The following HERPUD1 variants were observed in gnomAD, a reference collection of about 807,000 sequenced individuals.
HERPUD1 encodes the protein homocysteine inducible ER protein with ubiquitin like domain 1, also known as homocysteine-responsive endoplasmic reticulum-resident ubiquitin-like domain member 1 protein.
A neutral mutation model predicts 45.0 loss-of-function variants in HERPUD1; 17 were observed. That is an observed-to-expected ratio of 0.38 (90% CI 0.26 to 0.57). The LOEUF (loss-of-function observed/expected upper bound fraction) is 0.57. Among genes scored for constraint, HERPUD1 ranks in the 20% least tolerant of loss-of-function variants. HERPUD1 has a pLI of 0.72. For missense variants in HERPUD1, 420 were observed against 490.5 expected (o/e 0.86, Z 1.36); for synonymous variants, 164 against 177.5 (o/e 0.92, Z 0.61).
Position 56,935,406 on chromosome 16 carries a change from A to G in HERPUD1, c.231A>G (p.Glu77=), listed in dbSNP as rs777844614. 1 of 1,614,212 alleles carries G rather than the reference A, an allele frequency of 6.2e-7. No homozygotes were observed. The highest frequency in any genetic ancestry group is 2.2e-5 in the East Asian group (1 of 44,888). The change falls in exon 3 of 8, where the codon GAA becomes GAG. Residue 77 remains glutamate (E), a synonymous_variant. Transcript: ENST00000439977. ...QCLRDLLPKQ[E]KRHVLHLVCN... is the part of the protein sequence containing the mutation. ...TACCTTCGTATTACTTTTAGCAGGAAAAACGGCATGTTTTGCATCTGGTGT... is the reference window on the plus strand; with the variant it reads ...TACCTTCGTATTACTTTTAGCAGGAGAAACGGCATGTTTTGCATCTGGTGT...
intron 7 of HERPUD1, 37 bp from the exon 8 acceptor site, chr16:56,943,089 T>C (rs769047343): frequency 1.9e-6 from 3 of 1,602,980 alleles, no homozygotes; most frequent in South Asian, 1.1e-5. Flanking sequence ...AATTGTTTTC[T>C]CATTGTTTCA....
intron 1 of HERPUD1, 168 bp from the exon 2 acceptor site, chr16:56,935,067 A>G (rs2055855516): frequency 5.0e-6 from 3 of 599,292 alleles, no homozygotes; most frequent in Middle Eastern, 2.6e-4. Context: ...AAGTTAAGAC[A>G]CTTTCTAAAT....
At chr16:56,938,310 T>A (rs1344750535) in intron 4 of HERPUD1, among the ~76,000 whole-genome samples, 1 of 152,048 alleles carries the variant, frequency 6.6e-6, no homozygotes, top group Non-Finnish European at 1.5e-5. Flanking sequence ...ACACCTGTAA[T>A]CCCAGCACTT....
Position 56,932,314 on chromosome 16 carries a change from T to G in HERPUD1, c.70T>G (p.Leu24Val). ...VKSPNQRHRD[L>V]ELSGDRGWSV... ...GAGCCCCAACCAGCGCCACCGCGAC[T>G]TGGAGCTGAGTGGCGACCGCGGCTG... Residue 24 changes from leucine to valine, a missense_variant, in exon 1 of 8, where the codon TTG becomes GTG. Transcript: ENST00000439977. The G allele has an allele frequency of 1.2e-6, 2 of 1,607,862 alleles. No homozygotes were observed. The highest frequency in any genetic ancestry group is 1.7e-6 in the Non-Finnish European group (2 of 1,178,932).
At chr16:56,936,887 A>G in intron 4 of HERPUD1, 70 bp downstream of exon 4, 4 of 1,557,094 alleles carry the variant, frequency 2.6e-6, no homozygotes, top group South Asian at 1.2e-5. Flanking sequence ...TTTAAGAATA[A>G]GGTATGTTTA....
intron 4 of HERPUD1, among the ~76,000 whole-genome samples, chr16:56,938,775 A>G (rs1484567313): frequency 6.6e-6 from 1 of 152,170 alleles, no homozygotes; most frequent in African/African-American, 2.4e-5. Flanking sequence ...GTGATACCAC[A>G]TGCACACTTC....
chr16:56,935,110 G>A lies in HERPUD1; in HGVS notation c.148-125G>A, dbSNP rs1321854435. The A allele has an allele frequency of 4.4e-6, 3 of 675,350 alleles. No individual in the cohort carries two copies. In the African/African-American group the frequency reaches 5.4e-5, roughly 12 times the overall value. 41.8% of individuals were successfully genotyped at this position (675,350 alleles called of 1,614,324 possible). A position where few individuals can be genotyped will look rare whatever the true frequency, so the allele number is the denominator to read the frequency against. ...TTGTATATGGGGCTTTTGAGAAAGTGTTTTCCCGTGATGCTGGGGGGAAAC... is the reference window on the plus strand; with the variant it reads ...TTGTATATGGGGCTTTTGAGAAAGTATTTTCCCGTGATGCTGGGGGGAAAC... On this transcript the variant is annotated intron_variant, in intron 1 of 7. Transcript: ENST00000439977.
At position 56,940,395 on chromosome 16, in the gene HERPUD1, T is replaced by C. The variant is rs554231313; in HGVS notation, c.905+150T>C. The C allele has an allele frequency of 2.2e-5, 14 of 623,210 alleles. No individual in the cohort carries two copies. In the East Asian group the frequency reaches 3.6e-4, roughly 16 times the overall value. The allele number at this position is 623,210 out of a possible 1,614,324, so 38.6% of individuals were successfully genotyped here. ...ATGGCACAATCACTGCAATCTCCGCTTCCCAGGTTCAAGCGATTCTCCTGC... is the reference window on the plus strand; with the variant it reads ...ATGGCACAATCACTGCAATCTCCGCCTCCCAGGTTCAAGCGATTCTCCTGC... On this transcript the variant is annotated intron_variant, in intron 6 of 7. Coordinates refer to ENST00000439977, the MANE Select transcript of HERPUD1 (RefSeq NM_014685.4).
intron 6 of HERPUD1, chr16:56,941,885 T>C: frequency 2.4e-6 from 1 of 422,650 alleles, no homozygotes; most frequent in Non-Finnish European, 4.3e-6. Flanking sequence ...ATTGAGTGCA[T>C]ACTATGTGCC....
intron 4 of HERPUD1, among the ~76,000 whole-genome samples, chr16:56,938,954 T>C (rs1160755605): frequency 6.6e-6 from 1 of 152,180 alleles, no homozygotes; most frequent in Admixed American, 6.5e-5. Flanking sequence ...AGGTGGGATC[T>C]ACTTAACCCA....
In HERPUD1 at chr16:56,942,158, G is replaced by A. The variant is rs376321599; in HGVS notation, c.932G>A (p.Arg311Lys). 3.7e-5 allele frequency: 59 copies of A among 1,613,942 alleles called. 1 individual carries two copies. Among genetic ancestry groups the A allele is most frequent in the Non-Finnish European group, 4.3e-5 (51 of 1,179,976 alleles). Residue 311 changes from arginine (R) to lysine (K), a missense_variant, in exon 7 of 8, where the codon AGA becomes AAA. Transcript: ENST00000439977. ...YLHHVGWFPF[R>K]PRPVQNFPND... ...CATCACGTTGGGTGGTTTCCATTTAGACCGAGGCCGGTTCAGAACTTCCCA... is the reference window on the plus strand; with the variant it reads ...CATCACGTTGGGTGGTTTCCATTTAAACCGAGGCCGGTTCAGAACTTCCCA...
Position 56,943,458 on chromosome 16 carries a change from C to A in HERPUD1, c.*168C>A. ...AAAGCAGAAACGTGAAGCCGTGATACAAATTGGTGAACAAAAAATGCCCAA... is the reference window on the plus strand; with the variant it reads ...AAAGCAGAAACGTGAAGCCGTGATAAAAATTGGTGAACAAAAAATGCCCAA... On this transcript the variant is annotated 3_prime_UTR_variant, in exon 8 of 8. Coordinates refer to ENST00000439977, the MANE Select transcript of HERPUD1 (RefSeq NM_014685.4). 1.2e-6 allele frequency: 1 copy of A among 801,064 alleles called. No individual in the cohort carries two copies. The highest frequency in any genetic ancestry group is 2.1e-6 in the Non-Finnish European group (1 of 471,000). 49.6% of individuals were successfully genotyped at this position (801,064 alleles called of 1,614,324 possible). A position where few individuals can be genotyped will look rare whatever the true frequency, so the allele number is the denominator to read the frequency against.
chr16:56,940,316 GT>G (rs1262698405), intron 6 of HERPUD1, 71 bp downstream of exon 6: 20 of 1,162,766 alleles, frequency 1.7e-5, no homozygotes, highest in African/African-American at 3.1e-5. Context: ...TGCTCTTTTT[GT>G]TTCTTGTTTT....
intron 4 of HERPUD1, 143 bp downstream of exon 4, chr16:56,936,960 A>T (rs1428678840): frequency 1.2e-6 from 1 of 817,590 alleles, no homozygotes; most frequent in African/African-American, 1.8e-5. Flanking sequence ...TTCGCTTTAA[A>T]GATCTCTTAT....
chr16:56,933,579 T>C (rs1381662090), intron 1 of HERPUD1, among the ~76,000 whole-genome samples: 1 of 152,194 alleles, frequency 6.6e-6, no homozygotes, highest in Non-Finnish European at 1.5e-5. Context: ...GGAATGCCGC[T>C]CCCATCTGTT....
rs1299273190 is a variant in HERPUD1, at chr16:56,944,256, C to G, written c.*966C>G. 6.6e-6 allele frequency: 1 copy of G among 152,174 alleles called. No individual in the cohort carries two copies. The highest frequency in any genetic ancestry group is 2.4e-5 in the African/African-American group (1 of 41,416). 9.4% of individuals were successfully genotyped at this position (152,174 alleles called of 1,614,324 possible). A position where few individuals can be genotyped will look rare whatever the true frequency, so the allele number is the denominator to read the frequency against. On this transcript the variant is annotated 3_prime_UTR_variant, in exon 8 of 8. Coordinates refer to ENST00000439977, the MANE Select transcript of HERPUD1 (RefSeq NM_014685.4). Reference sequence around the variant, plus strand: ...ATATACCTGTGTTTCCCCCCATTTCCTGATTTAAACAGTACTGGCTTATAT... The same window carrying G: ...ATATACCTGTGTTTCCCCCCATTTCGTGATTTAAACAGTACTGGCTTATAT...
rs1399344959 is a variant in HERPUD1, at chr16:56,944,733, G to T, written c.*1443G>T. ...TCTGCCCGCCTCGGCCTCCCAAAGTGCTGGGATTACAGATGTGAGCCACCG... is the reference window on the plus strand; with the variant it reads ...TCTGCCCGCCTCGGCCTCCCAAAGTTCTGGGATTACAGATGTGAGCCACCG... On this transcript the variant is annotated 3_prime_UTR_variant, in exon 8 of 8. Coordinates refer to ENST00000439977, the MANE Select transcript of HERPUD1 (RefSeq NM_014685.4). 2 of 152,196 alleles carry T rather than the reference G, an allele frequency of 1.3e-5. No homozygotes were observed. Among genetic ancestry groups the T allele is most frequent in the African/African-American group, 4.8e-5 (2 of 41,424 alleles). The allele number at this position is 152,196 out of a possible 1,614,324, so 9.4% of individuals were successfully genotyped here. A position where few individuals can be genotyped will look rare whatever the true frequency, so the allele number is the denominator to read the frequency against.
chr16:56,938,944 A>G (rs531796141), intron 4 of HERPUD1, among the ~76,000 whole-genome samples: 1 of 152,240 alleles, frequency 6.6e-6, no homozygotes, highest in African/African-American at 2.4e-5. Flanking sequence ...GTCAAAACTG[A>G]GGTGGGATCT....
chr16:56,932,645 C>T (rs1366190577), intron 1 of HERPUD1, among the ~76,000 whole-genome samples: 1 of 152,256 alleles, frequency 6.6e-6, no homozygotes, highest in Non-Finnish European at 1.5e-5. Flanking sequence ...CTGTTTCTCC[C>T]CCAGCGGCCA....
Sources: allele counts gnomAD v4.1 joint callset (sites outside exome capture counted in the v4.1 genomes callset), GRCh38; gene constraint gnomAD v4.1.1; transcripts MANE v1.5; gene names NCBI Gene and HGNC (gene_info 2026-07-23, HGNC 2026-07-21).